Variants in CASP6 observed in about 807,000 individuals in gnomAD.
CASP6 encodes the protein caspase 6.
A neutral mutation model predicts 31.8 loss-of-function variants in CASP6; 20 were observed. That is an observed-to-expected ratio of 0.63 (90% CI 0.44 to 0.91). The LOEUF is 0.91. Ranked by LOEUF, CASP6 falls within the 40% of genes least tolerant of loss-of-function variation. CASP6 has a pLI of 0.00. For synonymous variants in CASP6, 130 were observed against 127.8 expected (o/e 1.02, Z -0.12); for missense variants, 328 against 361.1 (o/e 0.91, Z 0.74).
the CASP6 span, among the ~76,000 whole-genome samples, chr4:109,671,871 G>A: frequency 3.3e-5 from 5 of 152,076 alleles, no homozygotes; most frequent in African/African-American, 4.8e-5. Context: ...GGTTTTATGT[G>A]GCTAGGAGTT....
At chr4:109,706,365 T>C (rs1272441527), upstream of CASP6, among the ~76,000 whole-genome samples, 1 of 151,184 alleles carries the variant, frequency 6.6e-6, no homozygotes, top group African/African-American at 2.4e-5. Flanking sequence ...GGCCTGAAAA[T>C]GTGGCTGCAT....
the CASP6 span, among the ~76,000 whole-genome samples, chr4:109,665,140 G>T: frequency 1.3e-5 from 2 of 151,984 alleles, no homozygotes; most frequent in South Asian, 4.1e-4. Context: ...TTACATTAGG[G>T]TTTACTCTTG....
Position 109,690,965 on chromosome 4 carries a change from A to T in CASP6, c.528T>A (p.Asp176Glu). 2 of 1,613,638 alleles carry T rather than the reference A, an allele frequency of 1.2e-6. No individual in the cohort carries two copies. Among genetic ancestry groups the T allele is most frequent in the Non-Finnish European group, 1.7e-6 (2 of 1,179,814 alleles). Residue 176 changes from aspartate to glutamate, a missense_variant, in exon 6 of 7, where the codon GAT (aspartate) becomes GAA (glutamate). Coordinates refer to ENST00000265164, the MANE Select transcript of CASP6 (RefSeq NM_001226.4). ...ACTTCTCTGTCTGATTATCTACTAC[A>T]TCCAAAGGAATGACTGGCACATCGT... ...NQHDVPVIPL[D>E]VVDNQTEKLD...
chr4:109,670,103 A>G, the CASP6 span, among the ~76,000 whole-genome samples: 5 of 152,314 alleles, frequency 3.3e-5, no homozygotes, highest in South Asian at 8.3e-4. Flanking sequence ...GCTGGATGTG[A>G]TATACTGGAT....
At chr4:109,709,125 A>G in the CASP6 span, among the ~76,000 whole-genome samples, 1 of 152,240 alleles carries the variant, frequency 6.6e-6, no homozygotes, top group South Asian at 2.1e-4. Flanking sequence ...CTTTCAGTAC[A>G]TTAGTTATTT....
the CASP6 span, among the ~76,000 whole-genome samples, chr4:109,709,173 T>C: frequency 2.0e-5 from 3 of 152,362 alleles, no homozygotes; most frequent in Admixed American, 2.0e-4. Context: ...TCCCAAGCTG[T>C]GGTCTATGAA....
At chr4:109,698,453 G>A in intron 1 of CASP6, 111 bp from the exon 2 acceptor site, 2 of 889,542 alleles carry the variant, frequency 2.2e-6, no homozygotes, top group Non-Finnish European at 3.3e-6. Context: ...CTTCTGTTTT[G>A]GTTAGTTTAA....
chr4:109,677,759 C>T, the CASP6 span, among the ~76,000 whole-genome samples: 3 of 148,894 alleles, frequency 2.0e-5, no homozygotes, highest in African/African-American at 7.5e-5. Context: ...TCTTGGATTT[C>T]CCAGCCTCCA....
chr4:109,679,297 G>A, the CASP6 span, among the ~76,000 whole-genome samples: 4 of 152,344 alleles, frequency 2.6e-5, no homozygotes, highest in African/African-American at 7.2e-5. Context: ...CAAGGCAGGC[G>A]GCTGGGAGGT....
At chr4:109,680,001 C>T in the CASP6 span, among the ~76,000 whole-genome samples, 2 of 152,060 alleles carry the variant, frequency 1.3e-5, no homozygotes, top group African/African-American at 2.4e-5. Context: ...GGGGTTTCAC[C>T]CTGTTGGCCA....
chr4:109,674,133 A>C, the CASP6 span: 1 of 1,364,318 alleles, frequency 7.3e-7, no homozygotes, highest in Non-Finnish European at 1.0e-6. Flanking sequence ...AGAAGAAGAG[A>C]TGCTGCCTTG....
At chr4:109,685,525 A>C (rs1729820802), downstream of CASP6, among the ~76,000 whole-genome samples, 1 of 152,232 alleles carries the variant, frequency 6.6e-6, no homozygotes, top group Admixed American at 6.5e-5. Flanking sequence ...ATTTCATATT[A>C]ATTTCATATC....
intron 1 of CASP6, among the ~76,000 whole-genome samples, chr4:109,699,656 A>C (rs1480423449): frequency 6.6e-6 from 1 of 152,140 alleles, no homozygotes; most frequent in African/African-American, 2.4e-5. Context: ...ATTTTTCACA[A>C]AGTGATTTTT....
chr4:109,700,086 A>T (rs1730371311), intron 1 of CASP6, among the ~76,000 whole-genome samples: 4 of 152,214 alleles, frequency 2.6e-5, no homozygotes, highest in Admixed American at 2.6e-4. Context: ...AAGGCGGCTC[A>T]CAACCTAACT....
chr4:109,689,468 G>T lies in CASP6; in HGVS notation c.744C>A (p.Leu248=). 2.5e-6 allele frequency: 4 copies of T among 1,613,750 alleles called. No homozygotes were observed. The highest frequency in any genetic ancestry group is 3.4e-6 in the Non-Finnish European group (4 of 1,180,042). The change falls in exon 7 of 7, where the codon CTC becomes CTA. Residue 248 remains leucine, a synonymous_variant. Transcript: ENST00000265164. The part of the protein sequence containing the change: ...KYGSSLEFTE[L]LTLVNRKVSQ... ...AAACTTTCCTGTTCACCAGTGTGAG[G>T]AGTTCTGTGAACTCTAAGGAGGAGC...
the CASP6 span, among the ~76,000 whole-genome samples, chr4:109,679,991 G>A: frequency 1.3e-5 from 2 of 152,084 alleles, no homozygotes; most frequent in African/African-American, 4.8e-5. Context: ...TAGTAGAGAC[G>A]GGGTTTCACC....
chr4:109,700,026 GC>G (rs1186686762), intron 1 of CASP6, among the ~76,000 whole-genome samples: 2 of 152,170 alleles, frequency 1.3e-5, no homozygotes, highest in Non-Finnish European at 2.9e-5. Flanking sequence ...GTGGCAGCAG[GC>G]CAGCGGCTCA....
In CASP6 at chr4:109,689,089, C is replaced by T. The variant is rs1224234295; in HGVS notation, c.*241G>A. 2.8e-6 allele frequency: 1 copy of T among 357,030 alleles called. No individual in the cohort carries two copies. Among genetic ancestry groups the T allele is most frequent in the Non-Finnish European group, 5.3e-6 (1 of 189,516 alleles). 22.1% of individuals were successfully genotyped at this position (357,030 alleles called of 1,614,324 possible). ...CTCCTGGGTTCAAGTGATTCTCCTG[C>T]CTCAGCCTTCCAAGTAGCTGGGATT... On this transcript the variant is annotated 3_prime_UTR_variant, in exon 7 of 7. Transcript: ENST00000265164.
At chr4:109,690,725 CTG>C (rs1730023159) in intron 6 of CASP6, 123 bp downstream of exon 6, 2 of 934,810 alleles carry the variant, frequency 2.1e-6, no homozygotes, top group Non-Finnish European at 3.1e-6. Flanking sequence ...AATTCTAAGT[CTG>C]TGAGCTTCAG....
Sources: allele counts gnomAD v4.1 joint callset (sites outside exome capture counted in the v4.1 genomes callset), GRCh38; gene constraint gnomAD v4.1.1; transcripts MANE v1.5; gene names NCBI Gene and HGNC (gene_info 2026-07-23, HGNC 2026-07-21).